Variants in SEMA3A observed in about 807,000 individuals in gnomAD.
SEMA3A encodes the protein semaphorin-3A.
In SEMA3A, 29 loss-of-function variants were observed where a neutral mutation model predicts 97.9. The ratio of observed to expected loss-of-function variants is 0.30; its 90% confidence interval spans 0.22 to 0.40. SEMA3A has a LOEUF of 0.40. Among genes scored for constraint, SEMA3A ranks in the 10% least tolerant of loss-of-function variants. The probability of loss-of-function intolerance (pLI) is 1.00; values close to 1 mark genes in which losing one functional copy is unlikely to be tolerated. For synonymous variants in SEMA3A, 321 were observed against 323.7 expected (o/e 0.99, Z 0.09); for missense variants, 763 against 951.3 (o/e 0.80, Z 2.60).
At chr7:84,333,710 A>G (rs1333050220) in intron 2 of SEMA3A, among the ~76,000 whole-genome samples, 2 of 152,204 alleles carry the variant, frequency 1.3e-5, no homozygotes, top group Non-Finnish European at 2.9e-5. Context: ...AATGCCTATG[A>G]GCACTGACAC....
At chr7:84,427,073 T>C (rs1804846276) in intron 1 of SEMA3A, among the ~76,000 whole-genome samples, 1 of 152,064 alleles carries the variant, frequency 6.6e-6, no homozygotes, top group Non-Finnish European at 1.5e-5. Context: ...AAGAAAATAA[T>C]GTTAACGCAA....
At chr7:84,059,782 GA>G (rs1793141213) in intron 5 of SEMA3A, among the ~76,000 whole-genome samples, 1 of 151,426 alleles carries the variant, frequency 6.6e-6, no homozygotes, top group African/African-American at 2.4e-5. Context: ...AAAAAGAAAG[GA>G]AAAAATGATA....
Position 84,051,143 on chromosome 7 carries a change from T to C in SEMA3A, c.548-4700A>G, listed in dbSNP as rs1224941934. On this transcript the variant is annotated intron_variant, in intron 5 of 16. Coordinates refer to ENST00000265362, the MANE Select transcript of SEMA3A (RefSeq NM_006080.3). ...TAGTATAGTTTGAAGTCAGGTAGTG[T>C]GATGCCTCCAGCTTTGTTCTTTTGG... is the stretch of plus-strand genomic sequence containing the variant. 2.0e-5 allele frequency among the ~76,000 whole-genome samples: 3 copies of C among 149,162 alleles called. No homozygotes were observed. The East Asian group carries it at 6.0e-4, about 30-fold the overall frequency.
At chr7:84,162,994 G>C (rs528936114) in intron 1 of SEMA3A, among the ~76,000 whole-genome samples, 2 of 152,252 alleles carry the variant, frequency 1.3e-5, no homozygotes, top group East Asian at 3.9e-4. Context: ...CCAAAGTCAA[G>C]AAAACACAAG....
intron 4 of SEMA3A, among the ~76,000 whole-genome samples, chr7:84,065,992 C>T (rs1793471984): frequency 6.6e-6 from 1 of 151,618 alleles, no homozygotes; most frequent in Admixed American, 6.6e-5. Flanking sequence ...GACCAATATC[C>T]TTGATGAACA....
chr7:83,994,892 A>G (rs1790141055), intron 12 of SEMA3A, among the ~76,000 whole-genome samples: 1 of 152,022 alleles, frequency 6.6e-6, no homozygotes, highest in South Asian at 2.1e-4. Flanking sequence ...AGCCTGGGCA[A>G]TGGCGGGCAC....
At chr7:84,290,202 G>A (rs1800706284) in intron 3 of SEMA3A, among the ~76,000 whole-genome samples, 1 of 151,888 alleles carries the variant, frequency 6.6e-6, no homozygotes. Context: ...AATGTACATG[G>A]CATTGTATAC....
chr7:84,136,358 T>C (rs1177305952), intron 1 of SEMA3A, among the ~76,000 whole-genome samples: 1 of 152,190 alleles, frequency 6.6e-6, no homozygotes, highest in Non-Finnish European at 1.5e-5. Flanking sequence ...ATCAAAAATA[T>C]GATTTCAACA....
At chr7:84,275,967 C>A (rs545221619) in intron 3 of SEMA3A, among the ~76,000 whole-genome samples, 1 of 151,906 alleles carries the variant, frequency 6.6e-6, no homozygotes, top group Non-Finnish European at 1.5e-5. Flanking sequence ...ACATTTTTAT[C>A]GGACGTTGCT....
chr7:84,169,433 CTCT>C (rs1402480569), intron 1 of SEMA3A, among the ~76,000 whole-genome samples: 1 of 149,986 alleles, frequency 6.7e-6, no homozygotes, highest in Non-Finnish European at 1.5e-5. Flanking sequence ...TAAATAAATG[CTCT>C]TCACTATAAG....
chr7:84,270,518 A>C (rs527766867), intron 3 of SEMA3A, among the ~76,000 whole-genome samples: 11 of 148,436 alleles, frequency 7.4e-5, no homozygotes, highest in East Asian at 3.9e-4. Context: ...CTCTCTCTCT[A>C]TATGCATATA....
chr7:84,192,498 G>A (rs529231408), intron 1 of SEMA3A, among the ~76,000 whole-genome samples: 35 of 151,916 alleles, frequency 2.3e-4, no homozygotes, highest in Middle Eastern at 3.4e-3. Flanking sequence ...TAATTCTAAT[G>A]GATGCCATCA....
chr7:84,066,076 T>A (rs1156738343), intron 4 of SEMA3A, among the ~76,000 whole-genome samples: 4 of 151,472 alleles, frequency 2.6e-5, no homozygotes, highest in Non-Finnish European at 4.4e-5. Flanking sequence ...TCCGCCATGA[T>A]CAAGTGGGCT....
At position 84,418,031 on chromosome 7, in the gene SEMA3A, C is replaced by A. The variant is rs866685460; in HGVS notation, c.-245-46131G>T. 1.2e-4 allele frequency among the ~76,000 whole-genome samples: 19 copies of A among 152,174 alleles called. 1 individual carries two copies. Among genetic ancestry groups the A allele is most frequent in the South Asian group, 4.1e-4 (2 of 4,824 alleles). ...ATGTGATTGTTAATATTAGGCGTCGCCTTGACTGGATTGAGGGATGCCTAG... is the reference window on the plus strand; with the variant it reads ...ATGTGATTGTTAATATTAGGCGTCGACTTGACTGGATTGAGGGATGCCTAG... On this transcript the variant is annotated intron_variant, in intron 1 of 3. Coordinates refer to the SEMA3A transcript ENST00000424555.
chr7:84,327,076 T>A (rs1441547191), intron 2 of SEMA3A, among the ~76,000 whole-genome samples: 2 of 151,882 alleles, frequency 1.3e-5, no homozygotes, highest in African/African-American at 4.8e-5. Context: ...AAGTCTAATA[T>A]CCAGCATCTA....
chr7:84,148,084 A>ATT (rs142942034), intron 1 of SEMA3A, among the ~76,000 whole-genome samples: 5 of 147,254 alleles, frequency 3.4e-5, no homozygotes, highest in African/African-American at 1.2e-4. Flanking sequence ...TAATTTTTGT[A>ATT]TTTTTTTTTT....
intron 5 of SEMA3A, among the ~76,000 whole-genome samples, chr7:84,054,523 T>C (rs1583882985): frequency 6.6e-6 from 1 of 152,166 alleles, no homozygotes; most frequent in African/African-American, 2.4e-5. Context: ...GCATTCTTCA[T>C]GTAGTTCTCG....
chr7:84,300,032 C>CAAAAAAAAAAAAAAAAAAA (rs58929555), intron 3 of SEMA3A, among the ~76,000 whole-genome samples: 4 of 53,262 alleles, frequency 7.5e-5, no homozygotes, highest in Non-Finnish European at 1.5e-4. Flanking sequence ...GACTCAGTCA[C>CAAAAAAAAAAAAAAAAAAA]AAAAAAAAAA....
intron 1 of SEMA3A, among the ~76,000 whole-genome samples, chr7:84,491,356 C>T (rs1176628936): frequency 1.3e-5 from 2 of 152,042 alleles, no homozygotes; most frequent in Non-Finnish European, 2.9e-5. Context: ...AAAAGATCAA[C>T]TCAAATGACT....
Sources: allele counts gnomAD v4.1 joint callset (sites outside exome capture counted in the v4.1 genomes callset), GRCh38; gene constraint gnomAD v4.1.1; transcripts MANE v1.5; gene names NCBI Gene and HGNC (gene_info 2026-07-23, HGNC 2026-07-21).